The following CHID1 variants were observed in gnomAD, a reference collection of about 807,000 sequenced individuals.
CHID1 encodes chitinase domain-containing protein 1.
In CHID1, 44 loss-of-function variants were observed where a neutral mutation model predicts 55.4. The ratio of observed to expected loss-of-function variants is 0.79; its 90% confidence interval spans 0.62 to 1.02. The LOEUF is 1.02. CHID1 is among the 50% of genes least tolerant of loss of function. CHID1 has a pLI of 0.00. For missense variants in CHID1, 491 were observed against 515.3 expected, an observed-to-expected ratio of 0.95 and a Z score of 0.46; for synonymous variants, 216 against 212.9, an observed-to-expected ratio of 1.01 and a Z score of -0.13.
intron 10 of CHID1, among the ~76,000 whole-genome samples, chr11:873,341 C>T (rs969237182): frequency 1.3e-5 from 2 of 152,052 alleles, no homozygotes; most frequent in African/African-American, 4.8e-5. Context: ...GTAACTGGGA[C>T]CCCCTTGAGG....
intron 1 of CHID1, among the ~76,000 whole-genome samples, chr11:910,163 G>T (rs1191627999): frequency 6.6e-6 from 1 of 152,152 alleles, no homozygotes; most frequent in East Asian, 1.9e-4. Context: ...GAGGCGGACG[G>T]GCGGGCGGGT....
intron 1 of CHID1, among the ~76,000 whole-genome samples, chr11:906,531 C>T (rs558696889): frequency 6.6e-6 from 1 of 152,262 alleles, no homozygotes; most frequent in South Asian, 2.1e-4. Flanking sequence ...GGATTTTCCA[C>T]ATACGTTGAA....
At chr11:882,135 G>C (rs1850004062) in intron 10 of CHID1, among the ~76,000 whole-genome samples, 2 of 152,248 alleles carry the variant, frequency 1.3e-5, no homozygotes, top group South Asian at 4.1e-4. Context: ...GACCATCCTG[G>C]CTAATGCGGT....
intron 7 of CHID1, among the ~76,000 whole-genome samples, chr11:896,913 C>A (rs1283307742): frequency 9.2e-6 from 1 of 109,260 alleles, no homozygotes; most frequent in African/African-American, 4.0e-5. Flanking sequence ...AGCCTCCACC[C>A]CAGACACGAG....
At chr11:897,594 G>C (rs1290965369) in intron 7 of CHID1, among the ~76,000 whole-genome samples, 1 of 152,188 alleles carries the variant, frequency 6.6e-6, no homozygotes, top group East Asian at 1.9e-4. Flanking sequence ...GGCAAAGCTG[G>C]GGCCCCTCAG....
At chr11:877,243 G>A (rs909715746) in intron 10 of CHID1, among the ~76,000 whole-genome samples, 6 of 152,064 alleles carry the variant, frequency 3.9e-5, no homozygotes, top group Non-Finnish European at 8.8e-5. Flanking sequence ...ATCATGGGTG[G>A]GTGCAACTGC....
At chr11:893,110 C>G (rs142150329) in intron 8 of CHID1, among the ~76,000 whole-genome samples, 1 of 152,180 alleles carries the variant, frequency 6.6e-6, no homozygotes, top group Non-Finnish European at 1.5e-5. Context: ...TGGGCAGAAC[C>G]CTGGGACTTC....
At position 904,859 on chromosome 11, in the gene CHID1, G is replaced by A; in HGVS notation, c.-43C>T. On this transcript the variant is annotated splice_region_variant and 5_prime_UTR_variant, in exon 2 of 13. Coordinates refer to ENST00000323578, the MANE Select transcript of CHID1 (RefSeq NM_023947.4). The stretch of plus-strand genomic sequence containing the variant: ...AGGGTCCAACCTCGGGGTCCAGAGG[G>A]CTGCAGGGAAAGCAGAGCACATTCA... The A allele has an allele frequency of 2.5e-6, 4 of 1,612,786 alleles. No individual in the cohort carries two copies. Among genetic ancestry groups the A allele is most frequent in the African/African-American group, 1.3e-5 (1 of 75,064 alleles).
intron 1 of CHID1, among the ~76,000 whole-genome samples, chr11:907,733 C>T (rs1246207469): frequency 6.6e-6 from 1 of 152,154 alleles, no homozygotes; most frequent in East Asian, 1.9e-4. Flanking sequence ...AACTCACTAC[C>T]CAGCAGCTGG....
In CHID1 at chr11:869,647, C is replaced by A. The variant is rs1421506866; in HGVS notation, c.*211G>T. 1.0e-4 allele frequency: 60 copies of A among 592,772 alleles called. No individual in the cohort carries two copies. Among genetic ancestry groups the A allele is most frequent in the Non-Finnish European group, 3.0e-5 (10 of 333,608 alleles). 36.7% of individuals were successfully genotyped at this position (592,772 alleles called of 1,614,324 possible). A position where few individuals can be genotyped will look rare whatever the true frequency, so the allele number is the denominator to read the frequency against. ...CCAGCGGATGCCCGGGTGGGAGGGGCTCGAGCTCTCAGGGTGTCCCCCAGC... is the reference window on the plus strand; with the variant it reads ...CCAGCGGATGCCCGGGTGGGAGGGGATCGAGCTCTCAGGGTGTCCCCCAGC... On this transcript the variant is annotated 3_prime_UTR_variant, in exon 13 of 13. Transcript: ENST00000323578.
At chr11:913,910 C>CA (rs577722928), upstream of CHID1, among the ~76,000 whole-genome samples, 24 of 151,772 alleles carry the variant, frequency 1.6e-4, no homozygotes, top group East Asian at 1.4e-3. Flanking sequence ...ACTAAAAATA[C>CA]AAAAAAAATT....
chr11:884,457 G>A (rs1056961282), intron 8 of CHID1, among the ~76,000 whole-genome samples: 11 of 152,164 alleles, frequency 7.2e-5, no homozygotes, highest in Non-Finnish European at 1.2e-4. Flanking sequence ...GCTGCCCATG[G>A]AGGGGCAAGG....
chr11:910,656 C>T (rs903024676), intron 1 of CHID1, 119 bp downstream of exon 1: 1 of 1,269,208 alleles, frequency 7.9e-7, no homozygotes, highest in African/African-American at 1.6e-5. Context: ...CGGCGTCGCC[C>T]GCGACCCCAC....
chr11:910,822 G>C, upstream of CHID1: 24 of 1,096,836 alleles, frequency 2.2e-5, no homozygotes, highest in Non-Finnish European at 2.7e-5. Context: ...GCCGGAAAAC[G>C]CTCCAGCGCG....
At chr11:912,845 AAAAAAAGAAAAAG>A (rs1353380938), upstream of CHID1, among the ~76,000 whole-genome samples, 48 of 152,044 alleles carry the variant, frequency 3.2e-4, no homozygotes, top group Admixed American at 1.0e-3. Context: ...CTCAAAAAAA[AAAAAAAGAAAAAG>A]AAAAAGAAAA....
At chr11:893,625 G>C in intron 7 of CHID1, 106 bp from the exon 8 acceptor site, 4 of 855,250 alleles carry the variant, frequency 4.7e-6, no homozygotes, top group Non-Finnish European at 7.2e-6. Flanking sequence ...TCCCCAGCCT[G>C]ACACCCTGCA....
rs554371461 is a variant in CHID1 at position 884,808 on chromosome 11, G to A, written c.702-639C>T. 4.6e-4 allele frequency among the ~76,000 whole-genome samples: 70 copies of A among 152,348 alleles called. No homozygotes were observed. In the East Asian group the frequency reaches 0.013, roughly 27 times the overall value. On this transcript the variant is annotated intron_variant, in intron 8 of 12. Transcript: ENST00000323578. ...CGGACACCTGTGGCATGGGCACCGC[G>A]GAGGAAGCGGCCCTGTTCTGTCTGC...
chr11:877,517 A>G (rs1423805803), intron 10 of CHID1, among the ~76,000 whole-genome samples: 4 of 152,200 alleles, frequency 2.6e-5, no homozygotes, highest in Non-Finnish European at 4.4e-5. Context: ...AAGTGCTGGG[A>G]TTACAGGTGT....
At chr11:882,867 G>A (rs1850087232) in intron 10 of CHID1, 1 of 388,664 alleles carries the variant, frequency 2.6e-6, no homozygotes, top group Non-Finnish European at 4.7e-6. Context: ...GTATGCTGTG[G>A]GGCAAGGCTG....
Sources: allele counts gnomAD v4.1 joint callset (sites outside exome capture counted in the v4.1 genomes callset), GRCh38; gene constraint gnomAD v4.1.1; transcripts MANE v1.5; gene names NCBI Gene and HGNC (gene_info 2026-07-23, HGNC 2026-07-21).